TMPRSS11D: variants seen among roughly 807,000 people sequenced by gnomAD.
TMPRSS11D encodes transmembrane protease serine 11D.
A neutral mutation model predicts 44.4 loss-of-function variants in TMPRSS11D; 32 were observed. The ratio of observed to expected loss-of-function variants is 0.72; its 90% CI spans 0.54 to 0.97. The LOEUF is 0.97. TMPRSS11D is among the 50% of genes least tolerant of loss of function. The pLI is 0.00. For synonymous variants in TMPRSS11D, 179 were observed against 177.9 expected (o/e 1.01, Z -0.05); for missense variants, 446 against 502.6 (o/e 0.89, Z 1.08).
chr4:67,863,757 A>G (rs1219491712), intron 1 of TMPRSS11D, among the ~76,000 whole-genome samples: 2 of 152,226 alleles, frequency 1.3e-5, no homozygotes, highest in East Asian at 1.9e-4. Context: ...TAAAGACAAT[A>G]CCTTCCTCAT....
At chr4:67,872,402 A>G (rs1719080756) in intron 1 of TMPRSS11D, among the ~76,000 whole-genome samples, 1 of 152,138 alleles carries the variant, frequency 6.6e-6, no homozygotes, top group South Asian at 2.1e-4. Flanking sequence ...ATAAAAAAAT[A>G]CTCATGACAG....
intron 3 of TMPRSS11D, among the ~76,000 whole-genome samples, chr4:67,850,211 A>G (rs1350133701): frequency 6.6e-6 from 1 of 152,212 alleles, no homozygotes; most frequent in Admixed American, 6.5e-5. Context: ...TGACAAATAC[A>G]TCAACTGCAC....
chr4:67,828,386 A>G (rs1285032302), intron 7 of TMPRSS11D, among the ~76,000 whole-genome samples: 1 of 152,092 alleles, frequency 6.6e-6, no homozygotes, highest in Non-Finnish European at 1.5e-5. Context: ...CTAATGGATA[A>G]TTTGTTTCAA....
intron 7 of TMPRSS11D, among the ~76,000 whole-genome samples, chr4:67,832,452 A>G (rs1358411172): frequency 2.0e-5 from 3 of 151,978 alleles, no homozygotes; most frequent in Non-Finnish European, 4.4e-5. Flanking sequence ...TTTACCAATA[A>G]GGTAAGTTTA....
intron 8 of TMPRSS11D, among the ~76,000 whole-genome samples, chr4:67,827,008 G>T (rs1367448527): frequency 6.6e-6 from 1 of 152,052 alleles, no homozygotes; most frequent in African/African-American, 2.4e-5. Context: ...GATTATTAAA[G>T]AACTCGTGTC....
At chr4:67,868,095 A>AATATATATATATATATATATATATATAT (rs923681603) in intron 1 of TMPRSS11D, among the ~76,000 whole-genome samples, 53 of 150,800 alleles carry the variant, frequency 3.5e-4, no homozygotes, top group African/African-American at 1.3e-3. Flanking sequence ...TAGATAGAGA[A>AATATATATATATATATATATATATATAT]ATATATATAT....
At chr4:67,866,938 T>C (rs1221527652) in intron 1 of TMPRSS11D, among the ~76,000 whole-genome samples, 2 of 151,886 alleles carry the variant, frequency 1.3e-5, no homozygotes, top group Admixed American at 1.3e-4. Context: ...ATTAAATCCC[T>C]ATCACAATAC....
intron 7 of TMPRSS11D, 50 bp downstream of exon 7, chr4:67,833,154 G>T: frequency 1.5e-6 from 2 of 1,347,732 alleles, no homozygotes; most frequent in South Asian, 4.5e-5. Context: ...CAGTCTTCAT[G>T]ACCTGTCTAT....
Position 67,868,095 on chromosome 4 carries a change from A to AATATATATATATATATATAT in TMPRSS11D, c.9-8418_9-8417insATATATATATATATATATAT, listed in dbSNP as rs923681603. On this transcript the variant is annotated intron_variant, in intron 1 of 9. Transcript: ENST00000283916. ...CTATCAACAGATCACTAGATAGAGA[A>AATATATATATATATATATAT]ATATATATATATATGAATACTACTC... Among the ~76,000 whole-genome samples, 174 of 150,878 alleles carry AATATATATATATATATATAT rather than the reference A, an allele frequency of 1.2e-3. 1 individual carries two copies. Among genetic ancestry groups the AATATATATATATATATATAT allele is most frequent in the African/African-American group, 3.2e-3 (131 of 40,652 alleles).
At chr4:67,849,407 T>A (rs1370811841) in intron 3 of TMPRSS11D, among the ~76,000 whole-genome samples, 1 of 152,142 alleles carries the variant, frequency 6.6e-6, no homozygotes, top group East Asian at 1.9e-4. Context: ...TGGGCATGTA[T>A]GTATGGGATC....
chr4:67,826,192 A>G (rs1404874257), intron 8 of TMPRSS11D, among the ~76,000 whole-genome samples: 3 of 152,142 alleles, frequency 2.0e-5, no homozygotes, highest in Admixed American at 2.0e-4. Context: ...TTGGATTGGA[A>G]GATTACATAT....
chr4:67,867,340 A>G (rs1718949877), intron 1 of TMPRSS11D, among the ~76,000 whole-genome samples: 2 of 152,176 alleles, frequency 1.3e-5, no homozygotes, highest in South Asian at 4.1e-4. Context: ...GTCAAGATGG[A>G]TTAAAGACTT....
chr4:67,833,312 T>C lies in TMPRSS11D; in HGVS notation c.584A>G (p.Glu195Gly). 6.3e-7 allele frequency: 1 copy of C among 1,594,664 alleles called. No homozygotes were observed. Among genetic ancestry groups the C allele is most frequent in the East Asian group, 2.3e-5 (1 of 42,914 alleles). ...ACTGACTTGCCACGGCCAGCTTCCC[T>C]CCTCAGCCTCAGTGCCTCCAAGGAT... ...QRILGGTEAE[E>G]GSWPWQVSLR... The change falls in exon 7 of 10, where the codon GAG becomes GGG. Residue 195 changes from glutamate (E) to glycine (G), a missense_variant. Transcript: ENST00000283916.
At chr4:67,846,320 A>G (rs1450683435) in intron 3 of TMPRSS11D, among the ~76,000 whole-genome samples, 4 of 152,210 alleles carry the variant, frequency 2.6e-5, no homozygotes, top group Non-Finnish European at 5.9e-5. Flanking sequence ...ATTATAATAT[A>G]TTTATGAAAT....
intron 2 of TMPRSS11D, among the ~76,000 whole-genome samples, chr4:67,857,346 C>T (rs1292618042): frequency 2.3e-5 from 3 of 131,878 alleles, no homozygotes; most frequent in Admixed American, 7.9e-5. Flanking sequence ...CACACACACA[C>T]ATACACAATG....
At chr4:67,835,150 A>G (rs768200537) in intron 5 of TMPRSS11D, 29 bp from the exon 6 acceptor site, 99 of 1,586,402 alleles carry the variant, frequency 6.2e-5, no homozygotes, top group Non-Finnish European at 7.9e-5. Flanking sequence ...AATAAGATAA[A>G]TACAATAAAG....
intron 2 of TMPRSS11D, among the ~76,000 whole-genome samples, chr4:67,855,099 A>G (rs1218234196): frequency 6.6e-6 from 1 of 152,044 alleles, no homozygotes; most frequent in East Asian, 1.9e-4. Flanking sequence ...TACTAAATAT[A>G]CAAAAATTAG....
In TMPRSS11D at chr4:67,833,482, A is replaced by G. The variant is rs183866667; in HGVS notation, c.515-101T>C. 20 of 1,135,462 alleles carry G rather than the reference A, an allele frequency of 1.8e-5. No individual in the cohort carries two copies. In the East Asian group the frequency reaches 3.7e-4, roughly 21 times the overall value. 70.3% of individuals were successfully genotyped at this position (1,135,462 alleles called of 1,614,324 possible). On this transcript the variant is annotated intron_variant, in intron 6 of 9. Transcript: ENST00000283916. ...ATAATTTATGACTTTTATGTCTTAT[A>G]CATTCTTCCTCAGGACATGCTGGAT...
chr4:67,883,109 G>A (rs1156910810), intron 1 of TMPRSS11D, among the ~76,000 whole-genome samples: 1 of 151,962 alleles, frequency 6.6e-6, no homozygotes, highest in South Asian at 2.1e-4. Flanking sequence ...ATGTTCAGGA[G>A]ATTTAAAATA....
Sources: gnomAD v4.1 joint callset for allele counts (sites outside exome capture counted in the v4.1 genomes callset) on GRCh38, gnomAD v4.1.1 for gene constraint, MANE v1.5 for transcripts, NCBI Gene and HGNC (gene_info 2026-07-23, HGNC 2026-07-21) for gene names.